Variants in CDKL3 observed in about 807,000 individuals in gnomAD.
The protein encoded by CDKL3 is cyclin-dependent kinase-like 3.
CDKL3 carries 65 observed loss-of-function variants against 69.3 expected under a neutral mutation model. That is an observed-to-expected ratio of 0.94 (90% confidence interval 0.77 to 1.15). The LOEUF (loss-of-function observed/expected upper bound fraction) is 1.15. Ranked by LOEUF, CDKL3 falls within the 50% of genes most tolerant of loss-of-function variation. The probability of loss-of-function intolerance (pLI) is 0.00; values close to 1 mark genes in which losing one functional copy is unlikely to be tolerated. For missense variants in CDKL3, 652 were observed against 689.2 expected (o/e 0.95, Z 0.61); for synonymous variants, 202 against 221.6 (o/e 0.91, Z 0.79).
At chr5:134,286,947 G>A (rs575787974) in intron 8 of CDKL3, among the ~76,000 whole-genome samples, 449 of 152,274 alleles carry the variant, frequency 2.9e-3, no homozygotes, top group African/African-American at 0.01. Context: ...GTAGCTTCAG[G>A]TAAATGTCTG....
At chr5:134,306,430 G>A (rs1767842781) in intron 10 of CDKL3, among the ~76,000 whole-genome samples, 179 bp downstream of exon 10, 1 of 152,064 alleles carries the variant, frequency 6.6e-6, no homozygotes, top group Non-Finnish European at 1.5e-5. Flanking sequence ...CCAGGAGGTC[G>A]AGGCTGCAGT....
At chr5:134,359,280 G>C (rs950974059) in intron 3 of CDKL3, among the ~76,000 whole-genome samples, 2 of 151,880 alleles carry the variant, frequency 1.3e-5, no homozygotes, top group African/African-American at 4.8e-5. Context: ...CCTGGGCAAC[G>C]AGAGCAAAAC....
At chr5:134,371,473 TCGGCGGCGGCGGCGGCGGCGG>T (rs34763898), upstream of CDKL3, 115 of 1,144,040 alleles carry the variant, frequency 1.0e-4, 1 homozygote, top group East Asian at 2.1e-3. Context: ...TTTGTCAGTC[TCGGCGGCGGCGGCGGCGGCGG>T]CGGCGGCGGC....
chr5:134,304,642 C>CCATTTGGA, intron 10 of CDKL3, 75 bp from the exon 11 acceptor site: 4 of 1,197,592 alleles, frequency 3.3e-6, no homozygotes, highest in Non-Finnish European at 3.5e-6. Context: ...GAATTGCTAG[C>CCATTTGGA]CATTTGGATG....
chr5:134,367,266 AAG>A (rs1358862484), upstream of CDKL3: 1 of 983,996 alleles, frequency 1.0e-6, no homozygotes, highest in East Asian at 1.1e-4. Flanking sequence ...CGCAAGGTGG[AAG>A]AGTGCTGTGC....
chr5:134,369,396 T>C (rs1758094430), upstream of CDKL3, among the ~76,000 whole-genome samples: 1 of 152,222 alleles, frequency 6.6e-6, no homozygotes, highest in Non-Finnish European at 1.5e-5. Flanking sequence ...TGAGCACTTT[T>C]GTATCCATTC....
chr5:134,318,612 C>A (rs897745695), intron 6 of CDKL3, among the ~76,000 whole-genome samples: 1 of 151,980 alleles, frequency 6.6e-6, no homozygotes, highest in Non-Finnish European at 1.5e-5. Context: ...CAGCCTCCTG[C>A]GTAACTGGGA....
intron 3 of CDKL3, among the ~76,000 whole-genome samples, chr5:134,350,738 G>C (rs1034545030): frequency 6.6e-6 from 1 of 151,306 alleles, no homozygotes; most frequent in Non-Finnish European, 1.5e-5. Context: ...CTAGTACTTT[G>C]GGAGGCCAAG....
In CDKL3 at chr5:134,330,173, A is replaced by T. The variant is rs1036876730; in HGVS notation, c.540-8270T>A. Among the ~76,000 whole-genome samples, 4 of 152,292 alleles carry T rather than the reference A, an allele frequency of 2.6e-5. No homozygotes were observed. The East Asian group carries it at 7.7e-4, about 29-fold the overall frequency. On this transcript the variant is annotated intron_variant, in intron 4 of 12. Transcript: ENST00000265334. ...AACTGAGTGTCTTGGGAATTTAACC[A>T]TGTCAATGTAGTCCTTTTTACATTG...
intron 6 of CDKL3, among the ~76,000 whole-genome samples, chr5:134,312,761 G>A (rs1260035774): frequency 1.3e-5 from 2 of 152,272 alleles, no homozygotes; most frequent in African/African-American, 4.8e-5. Context: ...TGCCAAACAC[G>A]AGTTTTAACC....
chr5:134,306,548 A>C, intron 10 of CDKL3, 61 bp downstream of exon 10: 1 of 991,698 alleles, frequency 1.0e-6, no homozygotes, highest in Non-Finnish European at 1.6e-6. Flanking sequence ...AAGATAGAGA[A>C]AAGGAAAAAA....
At chr5:134,322,947 C>G (rs1222187494) in intron 4 of CDKL3, among the ~76,000 whole-genome samples, 3 of 150,698 alleles carry the variant, frequency 2.0e-5, no homozygotes, top group Non-Finnish European at 4.4e-5. Flanking sequence ...CCATTGCACT[C>G]TAGCCTGGGC....
upstream of CDKL3, among the ~76,000 whole-genome samples, chr5:134,369,010 G>A (rs1383125715): frequency 6.6e-6 from 1 of 152,168 alleles, no homozygotes; most frequent in Non-Finnish European, 1.5e-5. Flanking sequence ...CTGGGTGACA[G>A]AGCAAAACTC....
chr5:134,355,817 C>T (rs1046190222), intron 3 of CDKL3, among the ~76,000 whole-genome samples: 5 of 152,192 alleles, frequency 3.3e-5, no homozygotes, highest in African/African-American at 4.8e-5. Context: ...CCGCTCCATA[C>T]TAAGCTGCTG....
At chr5:134,345,370 G>A (rs751204958) in intron 4 of CDKL3, among the ~76,000 whole-genome samples, 7 of 152,170 alleles carry the variant, frequency 4.6e-5, no homozygotes, top group Non-Finnish European at 8.8e-5. Flanking sequence ...AGCCTGGACT[G>A]CTATCTTGTC....
chr5:134,332,534 C>T (rs1257960831), intron 4 of CDKL3, among the ~76,000 whole-genome samples: 2 of 152,142 alleles, frequency 1.3e-5, no homozygotes, highest in Non-Finnish European at 2.9e-5. Context: ...TTCCCAGCAC[C>T]GTTTATTAAA....
downstream of CDKL3, among the ~76,000 whole-genome samples, chr5:134,294,704 G>A (rs1292068296): frequency 1.3e-5 from 2 of 151,964 alleles, no homozygotes; most frequent in Non-Finnish European, 2.9e-5. Flanking sequence ...GGAGTCAGGA[G>A]AGAAAGAAGG....
intron 6 of CDKL3, among the ~76,000 whole-genome samples, chr5:134,314,909 T>C (rs1208504696): frequency 6.6e-6 from 1 of 152,122 alleles, no homozygotes; most frequent in African/African-American, 2.4e-5. Context: ...GTATCCTGAT[T>C]GTGGTGGTGG....
chr5:134,319,494 T>C lies in CDKL3; in HGVS notation c.656A>G (p.Asn219Ser). Residue 219 changes from asparagine (N) to serine (S), a missense_variant, in exon 6 of 13, where the codon AAT becomes AGT. Asn to Ser is a conservative substitution (Grantham distance 46, BLOSUM62 1). Coordinates refer to ENST00000265334, the MANE Select transcript of CDKL3 (RefSeq NM_001113575.2). ...GATATTCTGCAAGTGAGGTGACAAATTGCCTGAAAAGAGAAAAAAATGTAT... is the reference window on the plus strand; with the variant it reads ...GATATTCTGCAAGTGAGGTGACAAACTGCCTGAAAAGAGAAAAAAATGTAT... Reference protein sequence around the residue: ...LLHKIVLKVGNLSPHLQNIFS... With the variant: ...LLHKIVLKVGSLSPHLQNIFS... 2 of 1,522,492 alleles carry C rather than the reference T, an allele frequency of 1.3e-6. No individual in the cohort carries two copies. Among genetic ancestry groups the C allele is most frequent in the Non-Finnish European group, 1.8e-6 (2 of 1,138,686 alleles). The allele number at this position is 1,522,492 out of a possible 1,614,324, so 94.3% of individuals were successfully genotyped here.
Sources: gnomAD v4.1 joint callset for allele counts (sites outside exome capture counted in the v4.1 genomes callset) on GRCh38, gnomAD v4.1.1 for gene constraint, MANE v1.5 for transcripts, NCBI Gene and HGNC (gene_info 2026-07-23, HGNC 2026-07-21) for gene names.